CCDC170: variants seen among roughly 807,000 people sequenced by gnomAD.
CCDC170 encodes the protein coiled-coil domain containing 170, also known as coiled-coil domain-containing protein 170.
A neutral mutation model predicts 72.6 loss-of-function variants in CCDC170; 69 were observed. The ratio of observed to expected loss-of-function variants is 0.95; its 90% CI spans 0.78 to 1.16. The LOEUF (loss-of-function observed/expected upper bound fraction) is 1.16. Among genes scored for constraint, CCDC170 ranks in the 50% most tolerant of loss-of-function variants. The probability of loss-of-function intolerance (pLI) is 0.00; values close to 1 mark genes in which losing one functional copy is unlikely to be tolerated. For synonymous variants in CCDC170, 300 were observed against 303.9 expected (o/e 0.99, Z 0.13); for missense variants, 852 against 832.5 (o/e 1.02, Z -0.29).
At chr6:151,614,966 A>G (rs1213312369) in intron 9 of CCDC170, among the ~76,000 whole-genome samples, 1 of 151,968 alleles carries the variant, frequency 6.6e-6, no homozygotes, top group Non-Finnish European at 1.5e-5. Flanking sequence ...GCCCATCTAT[A>G]TTTTCCTCAC....
rs1782811076 is a variant in CCDC170 at position 151,548,372 on chromosome 6, T to C, written c.657T>C (p.Asn219=). The C allele has an allele frequency of 1.2e-6, 2 of 1,612,982 alleles. No individual in the cohort carries two copies. The highest frequency in any genetic ancestry group is 1.3e-5 in the African/African-American group (1 of 75,014). The part of the protein sequence containing the change: ...GQIVILEETI[N]VHEMEAKASR... ...TTGTTATTCTTGAAGAGACTATAAA[T>C]GTCCATGAGATGGAAGCAAAAGCTA... The change falls in exon 5 of 11, where the codon AAT becomes AAC. Residue 219 remains asparagine (N), a synonymous_variant. Transcript: ENST00000239374.
intron 6 of CCDC170, among the ~76,000 whole-genome samples, chr6:151,579,771 G>T (rs1356731506): frequency 1.3e-5 from 2 of 152,198 alleles, no homozygotes; most frequent in Non-Finnish European, 2.9e-5. Context: ...GACAGCATAG[G>T]ATTGACAGAA....
chr6:151,532,456 A>C (rs936214083), intron 1 of CCDC170, among the ~76,000 whole-genome samples: 1 of 151,914 alleles, frequency 6.6e-6, no homozygotes, highest in Non-Finnish European at 1.5e-5. Context: ...AAAATACAAA[A>C]ATTAGCCAGG....
chr6:151,556,543 CAA>C (rs1160045840), intron 5 of CCDC170, among the ~76,000 whole-genome samples: 1 of 152,196 alleles, frequency 6.6e-6, no homozygotes, highest in East Asian at 1.9e-4. Context: ...CAGTATTTGG[CAA>C]AGACTTTCTG....
intron 1 of CCDC170, among the ~76,000 whole-genome samples, chr6:151,496,856 A>G (rs1278934104): frequency 1.3e-5 from 2 of 152,272 alleles, no homozygotes; most frequent in African/African-American, 4.8e-5. Context: ...TTATCGCATA[A>G]CGTAGTTTGA....
At chr6:151,520,071 T>A (rs568772356) in intron 1 of CCDC170, among the ~76,000 whole-genome samples, 1 of 152,324 alleles carries the variant, frequency 6.6e-6, no homozygotes, top group African/African-American at 2.4e-5. Context: ...ACCCAGCCCC[T>A]ATTCAAGATG....
At chr6:151,594,193 A>G (rs899172849) in intron 8 of CCDC170, among the ~76,000 whole-genome samples, 3 of 152,214 alleles carry the variant, frequency 2.0e-5, no homozygotes, top group South Asian at 2.1e-4. Flanking sequence ...TTCTTAGGAG[A>G]GAAATGCTAT....
intron 9 of CCDC170, among the ~76,000 whole-genome samples, chr6:151,611,475 C>T (rs1776869934): frequency 6.6e-6 from 1 of 152,120 alleles, no homozygotes; most frequent in Non-Finnish European, 1.5e-5. Flanking sequence ...TGTGTCTTCA[C>T]ATGGTAGAAG....
At chr6:151,547,452 C>T (rs1231933833) in intron 4 of CCDC170, among the ~76,000 whole-genome samples, 1 of 152,072 alleles carries the variant, frequency 6.6e-6, no homozygotes, top group Non-Finnish European at 1.5e-5. Flanking sequence ...CTGAAGAGCG[C>T]CCCCGTGAGG....
intron 1 of CCDC170, among the ~76,000 whole-genome samples, chr6:151,529,667 C>T (rs981294917): frequency 6.6e-6 from 1 of 151,982 alleles, no homozygotes; most frequent in Non-Finnish European, 1.5e-5. Flanking sequence ...AAAACAAAAA[C>T]AAAAACAAAA....
chr6:151,616,379 G>A (rs1776968952), intron 10 of CCDC170, among the ~76,000 whole-genome samples: 1 of 152,092 alleles, frequency 6.6e-6, no homozygotes, highest in Non-Finnish European at 1.5e-5. Context: ...CATGTACCGG[G>A]CAGCTTGACC....
chr6:151,557,644 CA>C (rs1457913951), intron 5 of CCDC170, among the ~76,000 whole-genome samples: 1 of 152,144 alleles, frequency 6.6e-6, no homozygotes, highest in Admixed American at 6.5e-5. Flanking sequence ...TACAAATTTA[CA>C]TTCCCACCAA....
intron 5 of CCDC170, among the ~76,000 whole-genome samples, chr6:151,556,685 G>A (rs1187596068): frequency 6.6e-6 from 1 of 150,674 alleles, no homozygotes; most frequent in Non-Finnish European, 1.5e-5. Flanking sequence ...TGAAGTCAAG[G>A]TATTTAAGGT....
intron 5 of CCDC170, among the ~76,000 whole-genome samples, chr6:151,549,871 A>T (rs1254313125): frequency 6.6e-6 from 1 of 152,238 alleles, no homozygotes; most frequent in Non-Finnish European, 1.5e-5. Context: ...GTGGCAATAT[A>T]CTATACATTA....
chr6:151,550,395 C>A (rs995149241), intron 5 of CCDC170, among the ~76,000 whole-genome samples: 1 of 152,162 alleles, frequency 6.6e-6, no homozygotes, highest in Non-Finnish European at 1.5e-5. Context: ...AAGGAGTTGC[C>A]TTTTCAGGAA....
intron 1 of CCDC170, among the ~76,000 whole-genome samples, chr6:151,499,131 T>C (rs1201485162): frequency 1.4e-5 from 2 of 141,498 alleles, no homozygotes; most frequent in Non-Finnish European, 3.0e-5. Flanking sequence ...GGAATCATAC[T>C]GTATTTGACT....
intron 1 of CCDC170, among the ~76,000 whole-genome samples, chr6:151,510,747 T>C (rs1306424983): frequency 8.3e-6 from 1 of 121,022 alleles, no homozygotes; most frequent in East Asian, 2.0e-4. Flanking sequence ...TTTCTTCTTC[T>C]TTTTTTTTTA....
At chr6:151,522,906 C>T (rs1782344984) in intron 1 of CCDC170, among the ~76,000 whole-genome samples, 1 of 152,142 alleles carries the variant, frequency 6.6e-6, no homozygotes, top group African/African-American at 2.4e-5. Context: ...TAGAGAGTAG[C>T]CATTCTTTTA....
intron 6 of CCDC170, among the ~76,000 whole-genome samples, chr6:151,584,833 C>A (rs116094014): frequency 6.6e-6 from 1 of 152,186 alleles, no homozygotes; most frequent in East Asian, 1.9e-4. Context: ...TGTTTAAGCA[C>A]GGCTGTTTAT....
Sources: gnomAD v4.1 joint callset for allele counts (sites outside exome capture counted in the v4.1 genomes callset) on GRCh38, gnomAD v4.1.1 for gene constraint, MANE v1.5 for transcripts, NCBI Gene and HGNC (gene_info 2026-07-23, HGNC 2026-07-21) for gene names.